Variants in ASTN2 observed in about 807,000 individuals in gnomAD.
ASTN2 encodes the protein astrotactin 2, also known as astrotactin-2.
In ASTN2, 54 loss-of-function variants were observed where a neutral mutation model predicts 139.8. The observed-to-expected ratio is 0.39, with a 90% CI of 0.31 to 0.48. ASTN2 has a LOEUF of 0.48. ASTN2 is among the 20% of genes least tolerant of loss of function. The pLI, the probability that ASTN2 is intolerant of heterozygous loss-of-function variation, is 0.95. For synonymous variants in ASTN2, 756 were observed against 719.5 expected, an observed-to-expected ratio of 1.05 and a Z score of -0.81; for missense variants, 1,565 against 1,725.1, an observed-to-expected ratio of 0.91 and a Z score of 1.64.
intron 1 of ASTN2, among the ~76,000 whole-genome samples, chr9:117,361,080 G>A (rs1028180904): frequency 1.2e-4 from 19 of 152,256 alleles, no homozygotes; most frequent in Admixed American, 1.0e-3. Flanking sequence ...TGCCACTCCT[G>A]TGACCTCCAT....
At chr9:117,225,157 C>T (rs779238576) in intron 2 of ASTN2, among the ~76,000 whole-genome samples, 28 of 152,036 alleles carry the variant, frequency 1.8e-4, no homozygotes, top group Non-Finnish European at 3.5e-4. Flanking sequence ...AAAGAAAGGA[C>T]GAATAAATCC....
At position 117,346,271 on chromosome 9, in the gene ASTN2, C is replaced by T. The variant is rs1321351229; in HGVS notation, c.443-54758G>A. On this transcript the variant is annotated intron_variant, in intron 1 of 22. Coordinates refer to ENST00000313400, the MANE Select transcript of ASTN2 (RefSeq NM_001365068.1). ...AGGTAAGGCATAGAACACTAGGAAA[C>T]AGTATAACCAACGTAGAGTTTACTA... Among the ~76,000 whole-genome samples, 3 of 152,106 alleles carry T rather than the reference C, an allele frequency of 2.0e-5. No individual in the cohort carries two copies. The East Asian group carries it at 5.8e-4, about 29-fold the overall frequency.
At chr9:117,082,045 G>A (rs1030841108) in intron 5 of ASTN2, among the ~76,000 whole-genome samples, 1 of 152,152 alleles carries the variant, frequency 6.6e-6, no homozygotes, top group Non-Finnish European at 1.5e-5. Flanking sequence ...GTTCTTTGAA[G>A]CTGCTATGTT....
chr9:117,051,655 A>G (rs1838915597), intron 5 of ASTN2, among the ~76,000 whole-genome samples: 1 of 152,186 alleles, frequency 6.6e-6, no homozygotes, highest in Non-Finnish European at 1.5e-5. Flanking sequence ...CTTTTATTTC[A>G]AAGACAGATT....
At chr9:116,928,737 TAA>T (rs1010191023) in intron 10 of ASTN2, among the ~76,000 whole-genome samples, 1 of 141,668 alleles carries the variant, frequency 7.1e-6, no homozygotes, top group African/African-American at 2.6e-5. Flanking sequence ...AGGTACAGGG[TAA>T]AAAAAAAAAA....
chr9:116,754,665 C>T (rs961797), intron 13 of ASTN2, among the ~76,000 whole-genome samples: 67,976 of 151,972 alleles, frequency 0.45, 16,281 homozygotes, highest in South Asian at 0.56. Context: ...TGTTACTATT[C>T]GGCCTTTTAC....
At chr9:117,268,827 TA>T (rs1833995152) in intron 2 of ASTN2, among the ~76,000 whole-genome samples, 1 of 152,186 alleles carries the variant, frequency 6.6e-6, no homozygotes, top group African/African-American at 2.4e-5. Flanking sequence ...TCACTCTAGT[TA>T]ATACTGCTAA....
At chr9:116,927,269 A>G (rs1213512025) in intron 10 of ASTN2, among the ~76,000 whole-genome samples, 1 of 152,150 alleles carries the variant, frequency 6.6e-6, no homozygotes, top group Non-Finnish European at 1.5e-5. Flanking sequence ...CTGATCTCCC[A>G]AAAGACTGGT....
At chr9:117,384,355 C>T (rs1830343961) in intron 1 of ASTN2, among the ~76,000 whole-genome samples, 1 of 152,146 alleles carries the variant, frequency 6.6e-6, no homozygotes, top group Non-Finnish European at 1.5e-5. Flanking sequence ...ATAACCTTCA[C>T]CTGAGTGAAT....
At chr9:117,016,733 T>C (rs1837717640) in intron 6 of ASTN2, among the ~76,000 whole-genome samples, 2 of 145,786 alleles carry the variant, frequency 1.4e-5, no homozygotes. Flanking sequence ...ATGTTATATA[T>C]ATAGGTTATA....
intron 5 of ASTN2, among the ~76,000 whole-genome samples, chr9:117,045,154 C>A (rs1296782215): frequency 6.6e-6 from 1 of 151,400 alleles, no homozygotes; most frequent in Non-Finnish European, 1.5e-5. Context: ...GCCAACTGAT[C>A]CATAAGTCTA....
At chr9:116,995,098 G>A (rs77639632) in intron 7 of ASTN2, among the ~76,000 whole-genome samples, 11,172 of 152,228 alleles carry the variant, frequency 0.073, 449 homozygotes, top group East Asian at 0.15. Context: ...CAGAGTGCAA[G>A]CTCTTGACCA....
chr9:117,339,680 C>G (rs1049265109), intron 1 of ASTN2, among the ~76,000 whole-genome samples: 27 of 151,990 alleles, frequency 1.8e-4, no homozygotes, highest in African/African-American at 6.0e-4. Context: ...AAACCTGACA[C>G]TAACTGAGAA....
chr9:117,265,898 C>A (rs2133116237), intron 2 of ASTN2, among the ~76,000 whole-genome samples: 1 of 152,180 alleles, frequency 6.6e-6, no homozygotes, highest in East Asian at 1.9e-4. Flanking sequence ...GTTTATAAAG[C>A]CAGATGCCAT....
intron 20 of ASTN2, among the ~76,000 whole-genome samples, chr9:116,448,726 T>A (rs1848082652): frequency 6.6e-6 from 1 of 152,238 alleles, no homozygotes; most frequent in Non-Finnish European, 1.5e-5. Context: ...TGTGGGATTG[T>A]GAGAATGAAA....
chr9:116,536,317 C>G (rs192349727), intron 19 of ASTN2, among the ~76,000 whole-genome samples: 1 of 151,860 alleles, frequency 6.6e-6, no homozygotes, highest in Admixed American at 6.6e-5. Context: ...TCCTTTAGCT[C>G]GGAGAAGTTT....
chr9:116,662,094 G>T (rs1003766302), intron 16 of ASTN2, among the ~76,000 whole-genome samples: 7 of 152,076 alleles, frequency 4.6e-5, no homozygotes, highest in Admixed American at 2.0e-4. Context: ...AGCTTCACGT[G>T]CCATGCCTGT....
intron 10 of ASTN2, among the ~76,000 whole-genome samples, chr9:116,915,704 A>G (rs2132427407): frequency 6.6e-6 from 1 of 152,168 alleles, no homozygotes; most frequent in Non-Finnish European, 1.5e-5. Context: ...AGGGTGGTGC[A>G]CCCCAATTGC....
chr9:117,311,753 TG>T (rs1827982788), intron 1 of ASTN2, among the ~76,000 whole-genome samples: 1 of 152,198 alleles, frequency 6.6e-6, no homozygotes, highest in South Asian at 2.1e-4. Context: ...TAAGGGGTTT[TG>T]CCTCTTTTGT....
Sources: allele counts gnomAD v4.1 joint callset (sites outside exome capture counted in the v4.1 genomes callset), GRCh38; gene constraint gnomAD v4.1.1; transcripts MANE v1.5; gene names NCBI Gene and HGNC (gene_info 2026-07-23, HGNC 2026-07-21).